The following ACYP2 variants were observed in gnomAD, a reference collection of about 807,000 sequenced individuals.
ACYP2 encodes the protein acylphosphatase 2.
Under a neutral mutation model 11.2 loss-of-function variants are expected in ACYP2, and 12 were observed. The ratio of observed to expected loss-of-function variants is 1.08; its 90% CI spans 0.69 to 1.74. The LOEUF is 1.74. Ranked by LOEUF, ACYP2 falls within the 40% of genes most tolerant of loss-of-function variation. ACYP2 has a pLI of 0.00. For missense variants in ACYP2, 134 were observed against 101.9 expected (o/e 1.31, Z -1.35); for synonymous variants, 43 against 32.2 (o/e 1.33, Z -1.13).
intron 6 of ACYP2, among the ~76,000 whole-genome samples, chr2:54,153,445 C>T (rs1183381446): frequency 7.0e-6 from 1 of 141,962 alleles, no homozygotes; most frequent in African/African-American, 2.6e-5. Flanking sequence ...GCTCAAATTG[C>T]CTGGGCTACT....
chr2:54,228,454 T>A (rs1686097506), intron 6 of ACYP2, among the ~76,000 whole-genome samples: 1 of 152,210 alleles, frequency 6.6e-6, no homozygotes, highest in Admixed American at 6.5e-5. Flanking sequence ...ATACAGTAGT[T>A]AAGAAACTTA....
intron 1 of ACYP2, among the ~76,000 whole-genome samples, chr2:53,971,827 A>T (rs149446275): frequency 6.6e-6 from 1 of 152,232 alleles, no homozygotes; most frequent in Non-Finnish European, 1.5e-5. Flanking sequence ...CACGTATTTC[A>T]GCTGAGAGAA....
intron 2 of ACYP2, among the ~76,000 whole-genome samples, chr2:53,979,165 C>T (rs1671632226): frequency 6.6e-6 from 1 of 151,882 alleles, no homozygotes; most frequent in African/African-American, 2.4e-5. Context: ...GTGTTATTGC[C>T]CTTGAAGACC....
At chr2:54,259,499 G>C (rs1276634121) in intron 6 of ACYP2, among the ~76,000 whole-genome samples, 1 of 152,234 alleles carries the variant, frequency 6.6e-6, no homozygotes, top group Admixed American at 6.5e-5. Context: ...GAAACCAAGA[G>C]AGTGCAATGT....
intron 2 of ACYP2, among the ~76,000 whole-genome samples, chr2:54,014,596 C>T (rs1349298655): frequency 6.6e-6 from 1 of 152,176 alleles, no homozygotes; most frequent in East Asian, 1.9e-4. Context: ...GCTGGGATTA[C>T]AGGCTTGAGC....
intron 6 of ACYP2, among the ~76,000 whole-genome samples, chr2:54,163,957 C>G (rs570570950): frequency 6.6e-6 from 1 of 152,106 alleles, no homozygotes; most frequent in Non-Finnish European, 1.5e-5. Context: ...GGATAAAGTC[C>G]TTGACCTTGA....
chr2:54,284,234 T>C (rs550844622), intron 6 of ACYP2, among the ~76,000 whole-genome samples: 3 of 152,342 alleles, frequency 2.0e-5, no homozygotes, highest in African/African-American at 7.2e-5. Flanking sequence ...GCAGGCTCCA[T>C]AAACGATTCA....
intron 2 of ACYP2, among the ~76,000 whole-genome samples, chr2:54,013,510 G>C (rs1673508971): frequency 6.6e-6 from 1 of 151,834 alleles, no homozygotes; most frequent in African/African-American, 2.4e-5. Flanking sequence ...ATGTTGGCCA[G>C]GCTGGTCTTG....
intron 6 of ACYP2, among the ~76,000 whole-genome samples, chr2:54,219,905 A>ATTTTTTTTTT (rs1169547989): frequency 7.9e-5 from 6 of 75,992 alleles, no homozygotes; most frequent in Non-Finnish European, 1.5e-4. Context: ...ATATATATAT[A>ATTTTTTTTTT]TTTTTTTTTT....
At chr2:54,133,553 C>A (rs1681051491) in intron 4 of ACYP2, among the ~76,000 whole-genome samples, 1 of 152,108 alleles carries the variant, frequency 6.6e-6, no homozygotes, top group Non-Finnish European at 1.5e-5. Flanking sequence ...CTGATACATT[C>A]CTGATGTTTC....
At chr2:54,194,203 C>A (rs1684357977) in intron 6 of ACYP2, among the ~76,000 whole-genome samples, 1 of 152,080 alleles carries the variant, frequency 6.6e-6, no homozygotes, top group African/African-American at 2.4e-5. Flanking sequence ...CCGCACCTGG[C>A]TAATTTTTGC....
intron 2 of ACYP2, among the ~76,000 whole-genome samples, chr2:54,019,828 C>T (rs11893270): frequency 0.43 from 64,990 of 151,208 alleles, 14,255 homozygotes; most frequent in South Asian, 0.54. Context: ...CCATGTTGAT[C>T]AGGTTGGTCT....
At chr2:54,300,889 C>G (rs928996948) in intron 6 of ACYP2, among the ~76,000 whole-genome samples, 1 of 152,204 alleles carries the variant, frequency 6.6e-6, no homozygotes, top group African/African-American at 2.4e-5. Flanking sequence ...TAAATCTTCC[C>G]ATTCCATAAG....
At chr2:54,085,610 G>T (rs554586224) in intron 4 of ACYP2, among the ~76,000 whole-genome samples, 13 of 152,258 alleles carry the variant, frequency 8.5e-5, no homozygotes, top group African/African-American at 2.9e-4. Flanking sequence ...CAATTAGCCT[G>T]TGGTAAAATT....
intron 6 of ACYP2, among the ~76,000 whole-genome samples, chr2:54,201,701 T>A (rs1684839898): frequency 6.7e-6 from 1 of 148,304 alleles, no homozygotes; most frequent in Non-Finnish European, 1.5e-5. Context: ...TCTCTCTCTT[T>A]TTTCTTTTCT....
At chr2:54,145,922 T>C (rs866961963) in intron 6 of ACYP2, among the ~76,000 whole-genome samples, 3 of 152,228 alleles carry the variant, frequency 2.0e-5, no homozygotes, top group South Asian at 2.1e-4. Context: ...GCTACACAAC[T>C]GTCACTCTGG....
chr2:54,259,130 T>G (rs1687674719), intron 6 of ACYP2, among the ~76,000 whole-genome samples: 1 of 152,222 alleles, frequency 6.6e-6, no homozygotes, highest in Admixed American at 6.5e-5. Flanking sequence ...GATTTTGACA[T>G]GAGCAACTGG....
At chr2:54,095,031 C>CGGCCTTCT (rs1380094234) in intron 4 of ACYP2, among the ~76,000 whole-genome samples, 1 of 125,152 alleles carries the variant, frequency 8.0e-6, no homozygotes, top group Non-Finnish European at 1.8e-5. Flanking sequence ...GAGGACCCTG[C>CGGCCTTCT]GGCCTTCCGC....
chr2:54,127,054 AATCATTATCT>A (rs563235176), intron 4 of ACYP2, among the ~76,000 whole-genome samples: 56 of 151,674 alleles, frequency 3.7e-4, no homozygotes, highest in Non-Finnish European at 7.7e-4. Flanking sequence ...AACTTTTCAC[AATCATTATCT>A]ATATTTTGAA....
Sources: allele counts gnomAD v4.1 joint callset (sites outside exome capture counted in the v4.1 genomes callset), GRCh38; gene constraint gnomAD v4.1.1; transcripts MANE v1.5; gene names NCBI Gene and HGNC (gene_info 2026-07-23, HGNC 2026-07-21).